ANKIB1: variants seen among roughly 807,000 people sequenced by gnomAD.
ANKIB1 encodes the protein ankyrin repeat and IBR domain containing 1.
Under a neutral mutation model 122.1 loss-of-function variants are expected in ANKIB1, and 43 were observed. The ratio of observed to expected loss-of-function variants is 0.35; its 90% confidence interval spans 0.28 to 0.45. The LOEUF is 0.45. ANKIB1 is among the 20% of genes least tolerant of loss of function. The pLI is 1.00. For synonymous variants in ANKIB1, 390 were observed against 442.0 expected, an observed-to-expected ratio of 0.88 and a Z score of 1.48; for missense variants, 992 against 1,329.5, an observed-to-expected ratio of 0.75 and a Z score of 3.95.
intron 1 of ANKIB1, among the ~76,000 whole-genome samples, chr7:92,278,684 G>A (rs577707680): frequency 6.6e-6 from 1 of 152,256 alleles, no homozygotes; most frequent in African/African-American, 2.4e-5. Flanking sequence ...TTATATTCAG[G>A]AATTGGTCAG....
intron 3 of ANKIB1, among the ~76,000 whole-genome samples, chr7:92,311,993 T>G (rs1802700237): frequency 6.6e-6 from 1 of 152,194 alleles, no homozygotes; most frequent in Admixed American, 6.5e-5. Context: ...TAGTGCTTGA[T>G]TCTTGACTCT....
rs545026841 is a variant in ANKIB1, at chr7:92,371,188, A to T, written c.1487-289A>T. Among the ~76,000 whole-genome samples the T allele has an allele frequency of 2.4e-3, 349 of 147,788 alleles. 3 individuals carry two copies. The highest frequency in any genetic ancestry group is 9.6e-3 in the South Asian group (45 of 4,666). On this transcript the variant is annotated intron_variant, in intron 10 of 19. Transcript: ENST00000265742. Reference sequence around the variant, plus strand: ...AGTAATATGTTGCTTTTTTTTTTTTAAATTTTTTTGTGTATATTGTTTTTG... The same window carrying T: ...AGTAATATGTTGCTTTTTTTTTTTTTAATTTTTTTGTGTATATTGTTTTTG...
chr7:92,346,451 G>A (rs1803541651), intron 7 of ANKIB1, among the ~76,000 whole-genome samples: 1 of 152,110 alleles, frequency 6.6e-6, no homozygotes, highest in South Asian at 2.1e-4. Context: ...GGAGTAAGAG[G>A]CAAGATTTCA....
At chr7:92,351,269 G>T (rs1205610673) in intron 8 of ANKIB1, among the ~76,000 whole-genome samples, 175 bp downstream of exon 8, 2 of 152,136 alleles carry the variant, frequency 1.3e-5, no homozygotes, top group Non-Finnish European at 2.9e-5. Flanking sequence ...TGAAGCTAAA[G>T]CATTATTTTG....
chr7:92,328,670 A>C (rs534736323), intron 5 of ANKIB1, among the ~76,000 whole-genome samples: 1 of 152,146 alleles, frequency 6.6e-6, no homozygotes, highest in Admixed American at 6.6e-5. Context: ...ATAAAAACTA[A>C]AAACACATTT....
chr7:92,348,718 T>C (rs866137008), intron 7 of ANKIB1, among the ~76,000 whole-genome samples: 4 of 152,092 alleles, frequency 2.6e-5, no homozygotes, highest in Admixed American at 1.3e-4. Flanking sequence ...TATCGCTGCT[T>C]AGCACAGGAG....
intron 11 of ANKIB1, 35 bp from the exon 12 acceptor site, chr7:92,386,474 T>C (rs371134894): frequency 6.5e-7 from 1 of 1,548,622 alleles, no homozygotes; most frequent in South Asian, 1.3e-5. Flanking sequence ...CATATTAATA[T>C]GGGGAGATGT....
chr7:92,320,133 A>G (rs1258927908), intron 4 of ANKIB1, among the ~76,000 whole-genome samples: 1 of 152,186 alleles, frequency 6.6e-6, no homozygotes, highest in Non-Finnish European at 1.5e-5. Context: ...CATATCAACA[A>G]ACATGCTTTG....
intron 4 of ANKIB1, among the ~76,000 whole-genome samples, chr7:92,321,974 T>G (rs1268137865): frequency 1.3e-5 from 2 of 152,164 alleles, no homozygotes; most frequent in Non-Finnish European, 2.9e-5. Context: ...CCCCACCTTT[T>G]TTTAGTGAGG....
chr7:92,278,453 A>C (rs111983677), intron 1 of ANKIB1, among the ~76,000 whole-genome samples: 3 of 152,238 alleles, frequency 2.0e-5, no homozygotes, highest in African/African-American at 7.2e-5. Flanking sequence ...CCCTTCCAAA[A>C]ACAGTTCTGA....
At position 92,387,826 on chromosome 7, in the gene ANKIB1, A is replaced by C; in HGVS notation, c.1781A>C (p.Glu594Ala). ...GAGAAAAAACACAAACGATTTCAGG[A>C]ACTTGACAGATTTATGCACTATTAT... ...EAEKKHKRFQ[E>A]LDRFMHYYTR... is the part of the protein sequence containing the mutation. The change falls in exon 13 of 20, where the codon GAA becomes GCA. Residue 594 changes from glutamate (E) to alanine (A), a missense_variant. Glu to Ala is a moderately radical substitution (Grantham distance 107). Transcript: ENST00000265742. 1 of 1,611,594 alleles carries C rather than the reference A, an allele frequency of 6.2e-7. No individual in the cohort carries two copies. The highest frequency in any genetic ancestry group is 8.5e-7 in the Non-Finnish European group (1 of 1,179,234).
chr7:92,400,270 C>G lies in ANKIB1; in HGVS notation c.*1321C>G, dbSNP rs1440070823. ...ATTACTGTTTAGTGTTGAAAAAAATCAACTTCCTAGTTATCAGTGTCTTAC... is the reference window on the plus strand; with the variant it reads ...ATTACTGTTTAGTGTTGAAAAAAATGAACTTCCTAGTTATCAGTGTCTTAC... On this transcript the variant is annotated 3_prime_UTR_variant, in exon 20 of 20. Transcript: ENST00000265742. 1.3e-5 allele frequency: 2 copies of G among 152,166 alleles called. No homozygotes were observed. The highest frequency in any genetic ancestry group is 2.9e-5 in the Non-Finnish European group (2 of 68,030). The allele number at this position is 152,166 out of a possible 1,614,324, so 9.4% of individuals were successfully genotyped here. A position where few individuals can be genotyped will look rare whatever the true frequency, so the allele number is the denominator to read the frequency against.
intron 5 of ANKIB1, among the ~76,000 whole-genome samples, chr7:92,338,738 C>T (rs1188884715): frequency 6.7e-6 from 1 of 149,496 alleles, no homozygotes; most frequent in East Asian, 2.0e-4. Flanking sequence ...ATGGTGAAAC[C>T]CCATCTCTAC....
rs555256150 is a variant in ANKIB1, at chr7:92,310,242, A to G, written c.486+2586A>G. 5.3e-5 allele frequency among the ~76,000 whole-genome samples: 8 copies of G among 152,198 alleles called. No individual in the cohort carries two copies. The South Asian group carries it at 1.5e-3, about 28-fold the overall frequency. ...TTGACCTATCAGCATATCACATCAC[A>G]TAAGTCACATCATTTGATGATTGTT... On this transcript the variant is annotated intron_variant, in intron 3 of 19. Transcript: ENST00000265742.
chr7:92,379,002 G>C (rs1804449039), intron 11 of ANKIB1, among the ~76,000 whole-genome samples: 1 of 152,152 alleles, frequency 6.6e-6, no homozygotes, highest in Non-Finnish European at 1.5e-5. Context: ...TAAACCCACT[G>C]TAGGTCACAA....
At chr7:92,261,076 G>A (rs184057323) in intron 1 of ANKIB1, among the ~76,000 whole-genome samples, 13 of 152,054 alleles carry the variant, frequency 8.5e-5, no homozygotes, top group African/African-American at 2.4e-4. Flanking sequence ...TTGGCCGGGC[G>A]CGGTGGCTCA....
intron 1 of ANKIB1, among the ~76,000 whole-genome samples, chr7:92,256,880 T>A (rs1801458293): frequency 6.6e-6 from 1 of 152,174 alleles, no homozygotes. Flanking sequence ...AAATAAATGT[T>A]GGGTTAGAAA....
intron 1 of ANKIB1, among the ~76,000 whole-genome samples, chr7:92,281,017 A>C (rs1235773790): frequency 6.6e-6 from 1 of 152,194 alleles, no homozygotes; most frequent in Non-Finnish European, 1.5e-5. Context: ...GTTTAAAGCT[A>C]GACTTACAGG....
At chr7:92,320,514 A>G (rs1220980612) in intron 4 of ANKIB1, among the ~76,000 whole-genome samples, 1 of 152,212 alleles carries the variant, frequency 6.6e-6, no homozygotes, top group Admixed American at 6.5e-5. Context: ...TCCCGGTCTC[A>G]ATAAATATTA....
Sources: gnomAD v4.1 joint callset for allele counts (sites outside exome capture counted in the v4.1 genomes callset) on GRCh38, gnomAD v4.1.1 for gene constraint, MANE v1.5 for transcripts, NCBI Gene and HGNC (gene_info 2026-07-23, HGNC 2026-07-21) for gene names.